CRLF2: variants seen among roughly 807,000 people sequenced by gnomAD.
The protein encoded by CRLF2 is cytokine receptor like factor 2.
Under a neutral mutation model 38.7 loss-of-function variants are expected in CRLF2, and 41 were observed. That is an observed-to-expected ratio of 1.06 (90% CI 0.83 to 1.37). The LOEUF is 1.37. CRLF2 is among the 40% of genes most tolerant of loss of function. The pLI is 0.00. For synonymous variants in CRLF2, 140 were observed against 128.8 expected (o/e 1.09, Z -0.59); for missense variants, 377 against 322.2 (o/e 1.17, Z -1.30).
chrX:1,192,736 CTTTCTTTCTTTCTTTCTTTCTTTCT>C (rs2086412786), intron 7 of CRLF2, among the ~76,000 whole-genome samples: 3 of 111,852 alleles, frequency 2.7e-5, no homozygotes, highest in Non-Finnish European at 3.8e-5. Flanking sequence ...TTCTTTCTTT[CTTTCTTTCTTTCTTTCTTTCTTTCT>C]TTCTTTCCTT....
chrX:1,198,503 C>T (rs1314576750), intron 5 of CRLF2, 59 bp downstream of exon 5: 2 of 1,576,510 alleles, frequency 1.3e-6, no homozygotes, highest in African/African-American at 2.7e-5. Flanking sequence ...AAGGCAGTGG[C>T]TATGCCTACT....
At chrX:1,196,189 T>TA (rs2086471575) in intron 6 of CRLF2, among the ~76,000 whole-genome samples, 1 of 12,362 alleles carries the variant, frequency 8.1e-5, no homozygotes, top group African/African-American at 1.7e-3. Flanking sequence ...CAGGGCTAAT[T>TA]TTTTTTTTTT....
At chrX:1,192,708 T>TTTTTTC (rs2086409200) in intron 7 of CRLF2, among the ~76,000 whole-genome samples, 6 of 110,012 alleles carry the variant, frequency 5.5e-5, no homozygotes. Flanking sequence ...TTTTCTTTTC[T>TTTTTTC]TTTCTTTCTT....
chrX:1,198,004 A>C (rs1205217916), intron 5 of CRLF2, among the ~76,000 whole-genome samples: 5 of 151,966 alleles, frequency 3.3e-5, no homozygotes, highest in Non-Finnish European at 5.9e-5. Flanking sequence ...TTCTCAAAAA[A>C]ACAAAAGAAA....
chrX:1,192,192 G>T (rs1357383412), intron 7 of CRLF2, among the ~76,000 whole-genome samples: 96 of 118,214 alleles, frequency 8.1e-4, no homozygotes, highest in Non-Finnish European at 1.4e-3. Flanking sequence ...GCGACAGAGC[G>T]AGACTCCGTC....
intron 4 of CRLF2, 24 bp downstream of exon 4, chrX:1,202,378 C>A (rs749146381): frequency 1.2e-6 from 2 of 1,613,124 alleles, no homozygotes; most frequent in Non-Finnish European, 1.7e-6. Context: ...CACCATCGCC[C>A]TGAGTCGCGG....
intron 6 of CRLF2, among the ~76,000 whole-genome samples, chrX:1,195,834 A>ATATTAT: frequency 6.3e-5 from 5 of 79,482 alleles, no homozygotes; most frequent in Admixed American, 1.4e-4. Flanking sequence ...TTATATATTA[A>ATATTAT]ATTATATATT....
intron 7 of CRLF2, among the ~76,000 whole-genome samples, 177 bp from the exon 8 acceptor site, chrX:1,191,337 C>CTTTCTTTCTTTCTTTCTTTCTTTCTTTCT (rs2086374038): frequency 8.6e-6 from 1 of 115,726 alleles, no homozygotes; most frequent in South Asian, 3.3e-4. Context: ...TTCTTTCTTT[C>CTTTCTTTCTTTCTTTCTTTCTTTCTTTCT]TTTCTTTCCT....
rs1478625750 is a variant in CRLF2 at position 1,196,791 on chromosome X, C to G, written c.756G>C (p.Trp252Cys). 1 of 1,613,112 alleles carries G rather than the reference C, an allele frequency of 6.2e-7. No homozygotes were observed. Among genetic ancestry groups the G allele is most frequent in the Non-Finnish European group, 8.5e-7 (1 of 1,179,476 alleles). The change falls in exon 6 of 8, where the codon TGG becomes TGC. Residue 252 changes from tryptophan (W) to cysteine (C), a missense_variant. Physicochemically the swap from Trp to Cys is radical, Grantham distance 215 (BLOSUM62 -2). Coordinates refer to ENST00000400841, the MANE Select transcript of CRLF2 (RefSeq NM_022148.4). ...GGAGTCATCCTTACCTCCATAATTTCCATAAAGACAGAAGGAGGAGAGACA... is the reference window on the plus strand; with the variant it reads ...GGAGTCATCCTTACCTCCATAATTTGCATAAAGACAGAAGGAGGAGAGACA... Reference protein sequence around the residue: ...LMVSLLLLSLWKLWRVKKFLI... With the variant: ...LMVSLLLLSLCKLWRVKKFLI...
chrX:1,211,447 T>G (rs1233037529), intron 1 of CRLF2, among the ~76,000 whole-genome samples: 13 of 76,344 alleles, frequency 1.7e-4, no homozygotes, highest in Non-Finnish European at 1.8e-4. Flanking sequence ...ATGGATGTAT[T>G]GGTGGATGGA....
chrX:1,191,141 T>C lies in CRLF2; in HGVS notation c.872A>G (p.Gln291Arg). Reference protein sequence around the residue: ...GNFQEWITDTQNVAHLHKMAG... With the variant: ...GNFQEWITDTRNVAHLHKMAG... Reference sequence around the variant, plus strand: ...CATCTTGTGGAGGTGGGCCACGTTCTGGGTGTCTGTGATCCACTCCTACCA... The same window carrying C: ...CATCTTGTGGAGGTGGGCCACGTTCCGGGTGTCTGTGATCCACTCCTACCA... Residue 291 changes from glutamine to arginine, a missense_variant, in exon 8 of 8, where the codon CAG becomes CGG. Coordinates refer to ENST00000400841, the MANE Select transcript of CRLF2 (RefSeq NM_022148.4). The C allele has an allele frequency of 2.5e-6, 1 of 398,738 alleles. No individual in the cohort carries two copies. Among genetic ancestry groups the C allele is most frequent in the Non-Finnish European group, 4.4e-6 (1 of 226,184 alleles). 24.7% of individuals were successfully genotyped at this position (398,738 alleles called of 1,614,324 possible).
intron 1 of CRLF2, among the ~76,000 whole-genome samples, chrX:1,211,911 G>GGA (rs2086809434): frequency 7.4e-6 from 1 of 134,884 alleles, no homozygotes; most frequent in Non-Finnish European, 1.6e-5. Flanking sequence ...ATGGATGGAT[G>GGA]TATTGGTGGA....
intron 3 of CRLF2, among the ~76,000 whole-genome samples, chrX:1,205,499 A>C (rs1160894515): frequency 3.9e-5 from 6 of 152,114 alleles, no homozygotes; most frequent in Non-Finnish European, 8.8e-5. Context: ...TGTTATGGTA[A>C]TCATTGATCC....
intron 5 of CRLF2, among the ~76,000 whole-genome samples, chrX:1,197,247 C>T (rs1256588883): frequency 6.6e-6 from 1 of 151,404 alleles, no homozygotes; most frequent in Non-Finnish European, 1.5e-5. Context: ...CATCCGCCAC[C>T]ACACCGGGCT....
chrX:1,197,006 G>T, intron 5 of CRLF2, 106 bp from the exon 6 acceptor site: 1 of 989,674 alleles, frequency 1.0e-6, no homozygotes. Context: ...CTCATTTTTT[G>T]GTGTTCGTTT....
chrX:1,210,048 G>A (rs1174345639), intron 1 of CRLF2, among the ~76,000 whole-genome samples: 1 of 147,792 alleles, frequency 6.8e-6, no homozygotes, highest in Non-Finnish European at 1.5e-5. Flanking sequence ...AGGTTGTAGT[G>A]AACCGAGATC....
chrX:1,198,798 A>T (rs2086549244), intron 4 of CRLF2, 74 bp from the exon 5 acceptor site: 3 of 1,349,434 alleles, frequency 2.2e-6, no homozygotes, highest in Non-Finnish European at 2.1e-6. Flanking sequence ...TTAGTGATGT[A>T]ACCTGTCTGT....
At chrX:1,212,029 A>G (rs1238529767) in intron 1 of CRLF2, among the ~76,000 whole-genome samples, 1 of 150,782 alleles carries the variant, frequency 6.6e-6, no homozygotes, top group Non-Finnish European at 1.5e-5. Flanking sequence ...TGAGTGAATG[A>G]AAGGTTGGGT....
At chrX:1,196,548 C>G (rs1415007626) in intron 6 of CRLF2, among the ~76,000 whole-genome samples, 4 of 151,758 alleles carry the variant, frequency 2.6e-5, no homozygotes, top group Middle Eastern at 3.4e-3. Context: ...GTCTCGAACT[C>G]GTGACCTCGT....
Sources: gnomAD v4.1 joint callset for allele counts (sites outside exome capture counted in the v4.1 genomes callset) on GRCh38, gnomAD v4.1.1 for gene constraint, MANE v1.5 for transcripts, NCBI Gene and HGNC (gene_info 2026-07-23, HGNC 2026-07-21) for gene names.